The following PREX2 variants were observed in gnomAD, a reference collection of about 807,000 sequenced individuals.
PREX2 encodes the protein phosphatidylinositol 3,4,5-trisphosphate-dependent Rac exchanger 2 protein.
PREX2 carries 107 observed loss-of-function variants against 203.2 expected under a neutral mutation model. The observed-to-expected ratio is 0.53, with a 90% CI of 0.45 to 0.62. The LOEUF (loss-of-function observed/expected upper bound fraction) is 0.62, where lower values mean the gene tolerates loss of function less well. Ranked by LOEUF, PREX2 falls within the 20% of genes least tolerant of loss-of-function variation. The pLI, the probability that PREX2 is intolerant of heterozygous loss-of-function variation, is 0.00. For synonymous variants in PREX2, 672 were observed against 663.6 expected, an observed-to-expected ratio of 1.01 and a Z score of -0.19; for missense variants, 1,777 against 1,955.9, an observed-to-expected ratio of 0.91 and a Z score of 1.72.
At position 68,164,585 on chromosome 8, in the gene PREX2, C is replaced by CTTT. The variant is rs755033458; in HGVS notation, c.4346+7161_4346+7163dup. Among the ~76,000 whole-genome samples the CTTT allele has an allele frequency of 7.2e-3, 975 of 135,242 alleles. 8 individuals are homozygous for CTTT. Among genetic ancestry groups the CTTT allele is most frequent in the Non-Finnish European group, 0.01 (660 of 63,836 alleles). 88.7% of individuals were successfully genotyped at this position (135,242 alleles called of 152,430 possible). A position where few individuals can be genotyped will look rare whatever the true frequency, so the allele number is the denominator to read the frequency against. ...TTTTTTCTTTCTTTTTTTCTTTTTTCTTTTTTTTTTTTTTGAGACAGAGTT... is the reference window on the plus strand; with the variant it reads ...TTTTTTCTTTCTTTTTTTCTTTTTTCTTTTTTTTTTTTTTTTTGAGACAGAGTT... On this transcript the variant is annotated intron_variant, in intron 35 of 39. Transcript: ENST00000288368.
At chr8:68,169,451 C>T (rs538674955) in intron 35 of PREX2, among the ~76,000 whole-genome samples, 2 of 152,118 alleles carry the variant, frequency 1.3e-5, no homozygotes, top group African/African-American at 4.8e-5. Flanking sequence ...GGAACAGGCA[C>T]GCTGTTCCAG....
At chr8:67,987,149 T>A in intron 1 of PREX2, among the ~76,000 whole-genome samples, 2 of 88,928 alleles carry the variant, frequency 2.2e-5, no homozygotes, top group African/African-American at 4.7e-5. Flanking sequence ...TGAGACTTCA[T>A]CTCAAAAAAA....
chr8:68,004,022 A>AT (rs1443494170), intron 1 of PREX2, among the ~76,000 whole-genome samples: 1 of 151,858 alleles, frequency 6.6e-6, no homozygotes, highest in African/African-American at 2.4e-5. Flanking sequence ...CACCTGGCTA[A>AT]TTTTTGTATT....
At chr8:67,958,594 T>A (rs1805551393) in intron 1 of PREX2, among the ~76,000 whole-genome samples, 1 of 152,346 alleles carries the variant, frequency 6.6e-6, no homozygotes, top group South Asian at 2.1e-4. Context: ...ATTGCATTAG[T>A]CCAGGTAAGA....
At chr8:68,129,423 A>T (rs1253516031) in intron 31 of PREX2, among the ~76,000 whole-genome samples, 1 of 152,026 alleles carries the variant, frequency 6.6e-6, no homozygotes, top group Non-Finnish European at 1.5e-5. Context: ...TCTATATAGG[A>T]TGACACCAAA....
chr8:67,960,374 C>T (rs1805602945), intron 1 of PREX2, among the ~76,000 whole-genome samples: 1 of 152,052 alleles, frequency 6.6e-6, no homozygotes, highest in Non-Finnish European at 1.5e-5. Context: ...CCATAAACTC[C>T]AAGCTTATCT....
At chr8:68,215,024 T>C (rs1006791736) in intron 37 of PREX2, among the ~76,000 whole-genome samples, 2 of 152,202 alleles carry the variant, frequency 1.3e-5, no homozygotes, top group African/African-American at 4.8e-5. Flanking sequence ...CATTTGAAGG[T>C]AGATTTTTCT....
At chr8:68,140,379 G>A (rs1811203690) in intron 33 of PREX2, among the ~76,000 whole-genome samples, 1 of 152,162 alleles carries the variant, frequency 6.6e-6, no homozygotes, top group Non-Finnish European at 1.5e-5. Flanking sequence ...GCGAAGATAG[G>A]AATATAATTC....
At chr8:68,191,089 G>A (rs2129614652) in intron 35 of PREX2, among the ~76,000 whole-genome samples, 1 of 152,162 alleles carries the variant, frequency 6.6e-6, no homozygotes, top group East Asian at 1.9e-4. Context: ...AGTGTATTAG[G>A]CCACTAGGAT....
intron 38 of PREX2, chr8:68,220,093 T>G (rs943349998): frequency 6.6e-6 from 1 of 151,828 alleles, no homozygotes; most frequent in African/African-American, 2.4e-5. Flanking sequence ...AAACTAAGAT[T>G]TTTTAATTTT....
intron 25 of PREX2, chr8:68,114,311 A>T (rs1284664087): frequency 2.0e-6 from 1 of 510,510 alleles, no homozygotes; most frequent in African/African-American, 1.9e-5. Flanking sequence ...GGTATAAGAT[A>T]TCGTCACCGT....
chr8:68,076,760 C>T (rs965434339), intron 14 of PREX2, among the ~76,000 whole-genome samples: 5 of 151,052 alleles, frequency 3.3e-5, no homozygotes, highest in Non-Finnish European at 7.4e-5. Context: ...TACTTAAAGG[C>T]ATAAAATAGG....
At chr8:68,143,259 GCCTTC>G (rs1007787922) in intron 33 of PREX2, among the ~76,000 whole-genome samples, 6 of 148,742 alleles carry the variant, frequency 4.0e-5, no homozygotes, top group African/African-American at 1.5e-4. Flanking sequence ...ATGATGTTGT[GCCTTC>G]CCCCTGGTAC....
intron 37 of PREX2, among the ~76,000 whole-genome samples, chr8:68,213,990 C>T (rs895933160): frequency 2.0e-5 from 3 of 152,080 alleles, no homozygotes; most frequent in Non-Finnish European, 1.5e-5. Context: ...GTAGAAGGAG[C>T]TGAAAAATTG....
At chr8:68,142,967 T>C (rs1480176367) in intron 33 of PREX2, among the ~76,000 whole-genome samples, 2 of 152,182 alleles carry the variant, frequency 1.3e-5, no homozygotes, top group Non-Finnish European at 2.9e-5. Flanking sequence ...GTTGTCAGTG[T>C]TCTGGATTTT....
intron 38 of PREX2, 98 bp from the exon 39 acceptor site, chr8:68,224,460 AG>A: frequency 1.1e-6 from 1 of 904,228 alleles, no homozygotes; most frequent in East Asian, 2.4e-5. Flanking sequence ...TTGATGTTAA[AG>A]ACATTGTTTG....
At chr8:68,119,629 C>A in intron 28 of PREX2, 115 bp downstream of exon 28, 1 of 718,274 alleles carries the variant, frequency 1.4e-6, no homozygotes, top group Non-Finnish European at 2.5e-6. Context: ...ATCTGTCCTT[C>A]CACCTCCTTT....
chr8:68,050,880 C>A (rs950963463), intron 8 of PREX2, among the ~76,000 whole-genome samples: 3 of 152,022 alleles, frequency 2.0e-5, no homozygotes, highest in African/African-American at 7.2e-5. Flanking sequence ...ACAGGACAGC[C>A]AGGAGAGCAG....
intron 20 of PREX2, 65 bp from the exon 21 acceptor site, chr8:68,093,540 C>A: frequency 1.5e-6 from 1 of 688,828 alleles, no homozygotes; most frequent in Non-Finnish European, 2.5e-6. Context: ...GGCCAAGTCT[C>A]CAAATGGGCA....
Sources: gnomAD v4.1 joint callset for allele counts (sites outside exome capture counted in the v4.1 genomes callset) on GRCh38, gnomAD v4.1.1 for gene constraint, MANE v1.5 for transcripts, NCBI Gene and HGNC (gene_info 2026-07-23, HGNC 2026-07-21) for gene names.